FLNB: variants seen among roughly 807,000 people sequenced by gnomAD.
The protein encoded by FLNB is filamin B.
A neutral mutation model predicts 250.6 loss-of-function variants in FLNB; 111 were observed. The ratio of observed to expected loss-of-function variants is 0.44; its 90% confidence interval spans 0.38 to 0.52. The LOEUF (loss-of-function observed/expected upper bound fraction) is 0.52, where lower values mean the gene tolerates loss of function less well. FLNB is among the 20% of genes least tolerant of loss of function. The pLI is 0.00. For missense variants in FLNB, 2,869 were observed against 3,447.8 expected, an observed-to-expected ratio of 0.83 and a Z score of 4.20; for synonymous variants, 1,302 against 1,372.1, an observed-to-expected ratio of 0.95 and a Z score of 1.13.
chr3:58,110,291 C>G (rs770587942), intron 16 of FLNB, 121 bp downstream of exon 16: 1 of 1,027,516 alleles, frequency 9.7e-7, no homozygotes, highest in Non-Finnish European at 1.5e-6. Flanking sequence ...GAGATGGAGT[C>G]TCACTCTTTC....
intron 18 of FLNB, among the ~76,000 whole-genome samples, chr3:58,117,557 G>A (rs1310461037): frequency 6.6e-6 from 1 of 152,170 alleles, no homozygotes; most frequent in East Asian, 1.9e-4. Flanking sequence ...GGAAGCTCGG[G>A]AAGAGTTGGC....
At chr3:58,078,466 A>C in intron 2 of FLNB, 1 of 1,536,058 alleles carries the variant, frequency 6.5e-7, no homozygotes, top group Non-Finnish European at 8.7e-7. Context: ...TTCTTCAAGG[A>C]ATGGATAATC....
At chr3:58,104,495 G>T (rs960690632) in intron 10 of FLNB, among the ~76,000 whole-genome samples, 3 of 152,238 alleles carry the variant, frequency 2.0e-5, no homozygotes, top group African/African-American at 7.2e-5. Flanking sequence ...GCCAAGGGAC[G>T]CAGTCTACAG....
At chr3:58,135,755 C>G (rs990114635) in intron 27 of FLNB, among the ~76,000 whole-genome samples, 1 of 152,170 alleles carries the variant, frequency 6.6e-6, no homozygotes, top group Non-Finnish European at 1.5e-5. Context: ...CTTGGTTCAC[C>G]TGACAACAAA....
intron 43 of FLNB, 124 bp downstream of exon 43, chr3:58,163,454 A>T: frequency 9.7e-7 from 1 of 1,027,842 alleles, no homozygotes; most frequent in Non-Finnish European, 1.5e-6. Flanking sequence ...GGGGTCATGC[A>T]CACTTCGGAG....
At position 58,142,370 on chromosome 3, in the gene FLNB, G is replaced by T. The variant is rs1343836558; in HGVS notation, c.5182-280G>T. 6.6e-6 allele frequency among the ~76,000 whole-genome samples: 1 copy of T among 152,218 alleles called. No homozygotes were observed. Among genetic ancestry groups the T allele is most frequent in the East Asian group, 1.9e-4 (1 of 5,206 alleles). ...GAGCCTCTTGGGACTCATAGACATT[G>T]CTGTCTCTCACTTTTCCACTTTCCC... On this transcript the variant is annotated intron_variant, in intron 30 of 45. Coordinates refer to ENST00000295956, the MANE Select transcript of FLNB (RefSeq NM_001457.4). This position sits in a 1 kb window ranked among gnomAD's most constrained non-coding sequence, Gnocchi z 4.3.
Position 58,081,635 on chromosome 3 carries a change from A to T in FLNB, c.646A>T (p.Thr216Ser). 1.2e-6 allele frequency: 2 copies of T among 1,613,882 alleles called. No individual in the cohort carries two copies. The highest frequency in any genetic ancestry group is 1.7e-6 in the Non-Finnish European group (2 of 1,179,942). The change falls in exon 4 of 46, where the codon ACT (threonine) becomes TCT (serine). Residue 216 changes from threonine to serine, a missense_variant. By Grantham distance (58) the Thr-to-Ser change is moderately conservative. Around this residue, in one of 5 missense-constraint regions of FLNB, gnomAD observed 308 missense variants for 466.1 expected, o/e 0.66. Coordinates refer to ENST00000295956, the MANE Select transcript of FLNB (RefSeq NM_001457.4). ...CACCATGTCATTATCCTAGGTCATC[A>T]CTCCTGAAGAAATCATTCACCCGGA... ...DDWLGVPQVI[T>S]PEEIIHPDVD...
At chr3:58,031,111 G>A (rs879732255) in intron 1 of FLNB, among the ~76,000 whole-genome samples, 14 of 152,252 alleles carry the variant, frequency 9.2e-5, no homozygotes, top group Admixed American at 9.2e-4. Flanking sequence ...GGGCTATACA[G>A]TCATGAAGAG....
At chr3:58,156,858 G>A (rs1283804544) in intron 41 of FLNB, among the ~76,000 whole-genome samples, 3 of 152,074 alleles carry the variant, frequency 2.0e-5, no homozygotes, top group Admixed American at 6.5e-5. Context: ...CATCACACCC[G>A]GCTAATTTTT....
intron 4 of FLNB, among the ~76,000 whole-genome samples, chr3:58,087,444 T>C (rs983074659): frequency 6.6e-6 from 1 of 151,978 alleles, no homozygotes; most frequent in African/African-American, 2.4e-5. Flanking sequence ...GCTCTCTACA[T>C]CTGTGTTTGT....
chr3:58,084,925 T>C (rs137946634), intron 4 of FLNB, among the ~76,000 whole-genome samples: 1 of 152,336 alleles, frequency 6.6e-6, no homozygotes, highest in East Asian at 1.9e-4. Flanking sequence ...AGAAGTAGAA[T>C]CATATGCTGT....
chr3:58,065,253 TG>T (rs1268832308), intron 1 of FLNB, among the ~76,000 whole-genome samples: 4 of 152,190 alleles, frequency 2.6e-5, no homozygotes, highest in Non-Finnish European at 5.9e-5. Context: ...CCTGCCCTGG[TG>T]GGCAGAGAAG....
intron 3 of FLNB, among the ~76,000 whole-genome samples, chr3:58,080,767 C>T (rs1164381220): frequency 6.8e-6 from 1 of 147,078 alleles, no homozygotes; most frequent in African/African-American, 2.5e-5. Context: ...GCTGGGATTA[C>T]AGGTGTGAGC....
chr3:58,058,060 A>G (rs958179589), intron 1 of FLNB, among the ~76,000 whole-genome samples: 5 of 152,160 alleles, frequency 3.3e-5, no homozygotes, highest in African/African-American at 1.2e-4. Context: ...AAGTGCTGGC[A>G]TTACAGGGGT....
intron 12 of FLNB, among the ~76,000 whole-genome samples, chr3:58,107,539 GCTGTTATTTT>G: frequency 1.3e-5 from 2 of 152,330 alleles, no homozygotes; most frequent in South Asian, 4.1e-4. Flanking sequence ...AGCTCCATAA[GCTGTTATTTT>G]CTTGCAACTC....
At position 58,094,730 on chromosome 3, in the gene FLNB, G is replaced by A. The variant is rs565565729; in HGVS notation, c.788-106G>A. On this transcript the variant is annotated intron_variant, in intron 4 of 45. Transcript: ENST00000295956. ...TGTCCCCATTTCCCACATGGGATCT[G>A]CAGGGCTGGGTCCCATCTCTCAGTT... 12 of 936,304 alleles carry A rather than the reference G, an allele frequency of 1.3e-5. No homozygotes were observed. The South Asian group carries it at 1.6e-4, about 12-fold the overall frequency. 58.0% of individuals were successfully genotyped at this position (936,304 alleles called of 1,614,324 possible).
intron 3 of FLNB, among the ~76,000 whole-genome samples, chr3:58,080,157 A>C (rs547602825): frequency 1.3e-5 from 2 of 152,242 alleles, no homozygotes; most frequent in Non-Finnish European, 2.9e-5. Flanking sequence ...ATTGAAGGCG[A>C]CTGTTCAAAC....
chr3:58,091,446 T>C (rs2097227157), intron 4 of FLNB, among the ~76,000 whole-genome samples: 1 of 152,116 alleles, frequency 6.6e-6, no homozygotes, highest in African/African-American at 2.4e-5. Context: ...AAAAAACCTT[T>C]TCGGCACATG....
chr3:58,018,327 C>CTTTTTTT (rs60851192), intron 1 of FLNB, among the ~76,000 whole-genome samples: 2 of 63,242 alleles, frequency 3.2e-5, no homozygotes, highest in African/African-American at 7.6e-5. Flanking sequence ...TATTCATTGA[C>CTTTTTTT]TTTTTTTTTT....
Sources: allele counts gnomAD v4.1 joint callset (sites outside exome capture counted in the v4.1 genomes callset), GRCh38; gene constraint gnomAD v4.1.1; regional missense constraint gnomAD v4.1.1; non-coding constraint Gnocchi (gnomAD v3.1); transcripts MANE v1.5; gene names NCBI Gene and HGNC (gene_info 2026-07-23, HGNC 2026-07-21).